ARSG: variants seen among roughly 807,000 people sequenced by gnomAD.
ARSG encodes the protein ASG.
ARSG carries 37 observed loss-of-function variants against 50.5 expected under a neutral mutation model. The observed-to-expected ratio is 0.73, with a 90% CI of 0.56 to 0.96. The LOEUF is 0.96. Ranked by LOEUF, ARSG falls within the 50% of genes least tolerant of loss-of-function variation. The pLI, the probability that ARSG is intolerant of heterozygous loss-of-function variation, is 0.00. For missense variants in ARSG, 629 were observed against 675.3 expected (o/e 0.93, Z 0.76); for synonymous variants, 225 against 254.6 (o/e 0.88, Z 1.11).
At chr17:68,424,026 G>T (rs192811717), downstream of ARSG, among the ~76,000 whole-genome samples, 98 of 152,276 alleles carry the variant, frequency 6.4e-4, no homozygotes, top group African/African-American at 2.3e-3. Flanking sequence ...GAGTGCTCTG[G>T]ATCCTGGAAG....
intron 6 of ARSG, among the ~76,000 whole-genome samples, chr17:68,360,148 C>G (rs1343663423): frequency 6.6e-6 from 1 of 152,216 alleles, no homozygotes; most frequent in East Asian, 1.9e-4. Context: ...AATCAACCGA[C>G]AGCCTCCTTA....
chr17:68,451,000 C>T, the ARSG span: 2 of 1,454,186 alleles, frequency 1.4e-6, no homozygotes, highest in Non-Finnish European at 9.1e-7. Flanking sequence ...TCCAAAGGTT[C>T]TCCGGGTCTT....
intron 2 of ARSG, among the ~76,000 whole-genome samples, chr17:68,316,000 A>G (rs1376860064): frequency 6.6e-6 from 1 of 152,194 alleles, no homozygotes; most frequent in African/African-American, 2.4e-5. Flanking sequence ...TCACCCAGCC[A>G]GGGATGTGTG....
At chr17:68,293,401 T>C (rs1453999600) in intron 1 of ARSG, among the ~76,000 whole-genome samples, 1 of 152,082 alleles carries the variant, frequency 6.6e-6, no homozygotes, top group Admixed American at 6.5e-5. Context: ...TGACTCAAAT[T>C]ATACCTAAAT....
At chr17:68,339,044 G>T (rs2078151140) in intron 2 of ARSG, among the ~76,000 whole-genome samples, 1 of 152,114 alleles carries the variant, frequency 6.6e-6, no homozygotes, top group African/African-American at 2.4e-5. Context: ...CAAGGCCCCT[G>T]CCTAAGAGAT....
chr17:68,367,387 T>C lies in ARSG; in HGVS notation c.705-1161T>C, dbSNP rs1229842681. Reference sequence around the variant, plus strand: ...AGCTAAGGAGAACCCTGGGGCCAACTGAATCTCTGCGTGAACTAGTATGAA... The same window carrying C: ...AGCTAAGGAGAACCCTGGGGCCAACCGAATCTCTGCGTGAACTAGTATGAA... On this transcript the variant is annotated intron_variant, in intron 6 of 11. Transcript: ENST00000621439. The surrounding 1 kb of genome is among the most constrained non-coding windows in gnomAD (Gnocchi z 4.5). Among the ~76,000 whole-genome samples the C allele has an allele frequency of 1.3e-5, 2 of 152,150 alleles. No individual in the cohort carries two copies. The highest frequency in any genetic ancestry group is 1.3e-4 in the Admixed American group (2 of 15,274).
chr17:68,275,070 G>A (rs1268903405), intron 1 of ARSG, among the ~76,000 whole-genome samples: 4 of 152,172 alleles, frequency 2.6e-5, no homozygotes, highest in African/African-American at 9.7e-5. Context: ...GTGAGCCACC[G>A]CGCCCAGCCT....
intron 8 of ARSG, among the ~76,000 whole-genome samples, chr17:68,373,695 CTCTTGGAG>C (rs1259094590): frequency 6.6e-6 from 1 of 152,110 alleles, no homozygotes; most frequent in Non-Finnish European, 1.5e-5. Flanking sequence ...ATTATTTTAT[CTCTTGGAG>C]TATTGGTGTT....
chr17:68,364,667 C>T (rs1020736034), intron 6 of ARSG, among the ~76,000 whole-genome samples: 3 of 152,150 alleles, frequency 2.0e-5, no homozygotes, highest in African/African-American at 4.8e-5. Context: ...TTAATACCTC[C>T]GAGTATGTTC....
At position 68,271,483 on chromosome 17, in the gene ARSG, A is replaced by G. The variant is rs782206782; in HGVS notation, c.-552+12057A>G. The G allele has an allele frequency of 1.2e-6, 2 of 1,614,100 alleles. No homozygotes were observed. The highest frequency in any genetic ancestry group is 3.3e-5 in the Admixed American group (2 of 60,002). On this transcript the variant is annotated intron_variant, in intron 1 of 11. Coordinates refer to the ARSG transcript ENST00000448504. This position sits in a 1 kb window ranked among gnomAD's most constrained non-coding sequence, Gnocchi z 5.3. ...TGAGGTTCGTGTTTTCTCATTTTCAAGCATATACTGCGCTTCTTTCCGATT... is the reference window on the plus strand; with the variant it reads ...TGAGGTTCGTGTTTTCTCATTTTCAGGCATATACTGCGCTTCTTTCCGATT...
At chr17:68,269,367 C>T (rs782466456) in intron 1 of ARSG, 22 of 1,032,284 alleles carry the variant, frequency 2.1e-5, no homozygotes, top group East Asian at 1.2e-4. Flanking sequence ...GCATGGCGTC[C>T]GTTAACAGCA....
chr17:68,434,608 A>G, the ARSG span: 1 of 1,614,054 alleles, frequency 6.2e-7, no homozygotes, highest in Non-Finnish European at 8.5e-7. Context: ...GGGACAGAGA[A>G]CACCCGGATG....
chr17:68,351,664 C>A lies in ARSG; in HGVS notation c.544C>A (p.Pro182Thr). ...CAACCACCCTCCTTGTCCAGCGTGT[C>A]CACAGGGTGATGGACCATCAAGGTA... ...GYNHPPCPAC[P>T]QGDGPSRNLQ... The change falls in exon 5 of 12, where the codon CCA becomes ACA. Residue 182 changes from proline to threonine, a missense_variant. Pro to Thr is a conservative substitution (Grantham distance 38). Transcript: ENST00000621439. 6.2e-7 allele frequency: 1 copy of A among 1,612,504 alleles called. No homozygotes were observed. Among genetic ancestry groups the A allele is most frequent in the Non-Finnish European group, 8.5e-7 (1 of 1,178,656 alleles).
the ARSG span, among the ~76,000 whole-genome samples, chr17:68,448,080 CTG>C: frequency 2.7e-5 from 4 of 150,108 alleles, no homozygotes; most frequent in Admixed American, 1.3e-4. Context: ...AAAAAAGAAA[CTG>C]TGCTGTCTGA....
intron 2 of ARSG, among the ~76,000 whole-genome samples, chr17:68,322,785 G>A (rs1391611584): frequency 6.6e-6 from 1 of 152,164 alleles, no homozygotes; most frequent in Non-Finnish European, 1.5e-5. Flanking sequence ...AGCCATATTA[G>A]TCAGCTTGGG....
At chr17:68,309,023 C>T (rs2076730258) in intron 2 of ARSG, among the ~76,000 whole-genome samples, 1 of 152,242 alleles carries the variant, frequency 6.6e-6, no homozygotes, top group Non-Finnish European at 1.5e-5. Flanking sequence ...GAGGCTCAGG[C>T]ATGGCGGGCT....
intron 11 of ARSG, among the ~76,000 whole-genome samples, chr17:68,418,565 T>C (rs965502851): frequency 6.6e-6 from 1 of 152,242 alleles, no homozygotes; most frequent in African/African-American, 2.4e-5. Flanking sequence ...TTTCAAATTT[T>C]ATTTCTGGCC....
At position 68,307,527 on chromosome 17, in the gene ARSG, G is replaced by A; in HGVS notation, c.34G>A (p.Gly12Arg). The change falls in exon 2 of 12, where the codon GGA (glycine) becomes AGA (arginine). Residue 12 changes from glycine to arginine, a missense_variant. By Grantham distance (125) the Gly-to-Arg change is moderately radical. Coordinates refer to ENST00000621439, the MANE Select transcript of ARSG (RefSeq NM_001267727.2). ...GWLFLKVLLA[G>R]VSFSGFLYPL... ...GCTTTTTCTAAAGGTTTTGTTGGCG[G>A]GAGTGAGTTTCTCAGGATTTCTTTA... The A allele has an allele frequency of 6.2e-7, 1 of 1,614,084 alleles. No individual in the cohort carries two copies. Among genetic ancestry groups the A allele is most frequent in the Non-Finnish European group, 8.5e-7 (1 of 1,179,972 alleles).
At chr17:68,421,754 T>A (rs1248536841), downstream of ARSG, 1 of 1,614,194 alleles carries the variant, frequency 6.2e-7, no homozygotes. Context: ...ATGTCCTGAT[T>A]TCTGAGGTGT....
Sources: allele counts gnomAD v4.1 joint callset (sites outside exome capture counted in the v4.1 genomes callset), GRCh38; gene constraint gnomAD v4.1.1; non-coding constraint Gnocchi (gnomAD v3.1); transcripts MANE v1.5; gene names NCBI Gene and HGNC (gene_info 2026-07-23, HGNC 2026-07-21).